Variants in CNTNAP5 observed in about 807,000 individuals in gnomAD.
CNTNAP5 encodes contactin associated protein family member 5.
A neutral mutation model predicts 150.2 loss-of-function variants in CNTNAP5; 72 were observed. The observed-to-expected ratio is 0.48, with a 90% CI of 0.40 to 0.58. The LOEUF (loss-of-function observed/expected upper bound fraction) is 0.58, where lower values mean the gene tolerates loss of function less well. CNTNAP5 is among the 20% of genes least tolerant of loss of function. The pLI, the probability that CNTNAP5 is intolerant of heterozygous loss-of-function variation, is 0.00. For missense variants in CNTNAP5, 1,636 were observed against 1,626.2 expected (o/e 1.01, Z -0.10); for synonymous variants, 672 against 619.8 (o/e 1.08, Z -1.25).
chr2:124,657,584 T>C (rs75913280), intron 13 of CNTNAP5, among the ~76,000 whole-genome samples: 3,135 of 152,126 alleles, frequency 0.021, 100 homozygotes, highest in African/African-American at 0.072. Context: ...GCAGCCAGAG[T>C]GATAATCTTT....
intron 1 of CNTNAP5, among the ~76,000 whole-genome samples, chr2:124,061,514 G>T (rs1410331919): frequency 6.6e-6 from 1 of 152,092 alleles, no homozygotes; most frequent in Non-Finnish European, 1.5e-5. Context: ...CATGTCACTG[G>T]CCACTTTCCT....
chr2:124,720,233 T>C (rs1458443350), intron 13 of CNTNAP5, among the ~76,000 whole-genome samples: 1 of 152,222 alleles, frequency 6.6e-6, no homozygotes, highest in African/African-American at 2.4e-5. Context: ...AAGGGTTTTG[T>C]ATAGCCTGTA....
intron 2 of CNTNAP5, among the ~76,000 whole-genome samples, chr2:124,232,448 G>T (rs1455083052): frequency 6.6e-6 from 1 of 152,070 alleles, no homozygotes; most frequent in Non-Finnish European, 1.5e-5. Flanking sequence ...TTGTGGACAT[G>T]TCCTTAAAAA....
chr2:124,776,286 T>C (rs1037936474), intron 17 of CNTNAP5, among the ~76,000 whole-genome samples: 4 of 151,262 alleles, frequency 2.6e-5, no homozygotes, highest in African/African-American at 9.7e-5. Flanking sequence ...ATGGGCCTAT[T>C]TTTTTTTTCT....
intron 3 of CNTNAP5, among the ~76,000 whole-genome samples, chr2:124,258,177 G>T (rs74518522): frequency 1.2e-4 from 18 of 152,100 alleles, no homozygotes; most frequent in African/African-American, 4.3e-4. Context: ...GGGTATGGGC[G>T]ATGGATGAGC....
At chr2:124,077,168 C>T (rs1461424160) in intron 1 of CNTNAP5, among the ~76,000 whole-genome samples, 1 of 152,054 alleles carries the variant, frequency 6.6e-6, no homozygotes, top group East Asian at 1.9e-4. Flanking sequence ...TGATAGCATC[C>T]AGAAGTCTTT....
At chr2:124,534,793 G>A (rs956410117) in intron 10 of CNTNAP5, among the ~76,000 whole-genome samples, 13 of 152,248 alleles carry the variant, frequency 8.5e-5, no homozygotes, top group South Asian at 2.1e-4. Flanking sequence ...GGTTTTGGTC[G>A]GCTTCTTTAC....
At chr2:124,204,043 C>T (rs1919841) in intron 1 of CNTNAP5, among the ~76,000 whole-genome samples, 46,948 of 152,076 alleles carry the variant, frequency 0.31, 7,398 homozygotes, top group South Asian at 0.47. Flanking sequence ...CTGCTTCCCT[C>T]TTAAACATGG....
chr2:124,172,906 T>C (rs184823565), intron 1 of CNTNAP5, among the ~76,000 whole-genome samples: 12 of 152,184 alleles, frequency 7.9e-5, no homozygotes, highest in African/African-American at 2.9e-4. Context: ...ATTATACTTT[T>C]TAAAAATTGA....
intron 10 of CNTNAP5, among the ~76,000 whole-genome samples, chr2:124,538,093 T>C (rs776046290): frequency 6.6e-6 from 1 of 152,208 alleles, no homozygotes; most frequent in Non-Finnish European, 1.5e-5. Flanking sequence ...ATTTTTGCGA[T>C]TGAGGTACGA....
At chr2:124,576,671 G>C (rs1696288633) in intron 11 of CNTNAP5, among the ~76,000 whole-genome samples, 1 of 152,144 alleles carries the variant, frequency 6.6e-6, no homozygotes, top group Admixed American at 6.5e-5. Context: ...TGAAGATTAG[G>C]CTGCCCTGGG....
intron 20 of CNTNAP5, 30 bp from the exon 21 acceptor site, chr2:124,869,645 G>A: frequency 1.4e-6 from 2 of 1,479,528 alleles, no homozygotes; most frequent in Admixed American, 3.4e-5. Context: ...GACCTCTGCT[G>A]ATGTGCCTTT....
At chr2:124,057,217 G>T (rs554582610) in intron 1 of CNTNAP5, among the ~76,000 whole-genome samples, 1 of 151,148 alleles carries the variant, frequency 6.6e-6, no homozygotes, top group African/African-American at 2.4e-5. Context: ...TTTTCTGGTA[G>T]TTATACCTTT....
intron 19 of CNTNAP5, among the ~76,000 whole-genome samples, chr2:124,863,352 C>T (rs996989143): frequency 2.0e-5 from 3 of 152,214 alleles, no homozygotes; most frequent in Non-Finnish European, 2.9e-5. Context: ...GTACCTTGCC[C>T]GTGATCTGCA....
chr2:124,791,826 G>A (rs1681740775), intron 18 of CNTNAP5, among the ~76,000 whole-genome samples: 2 of 149,210 alleles, frequency 1.3e-5, no homozygotes, highest in South Asian at 4.2e-4. Context: ...ATTATGATCT[G>A]CAAGTTACAT....
intron 11 of CNTNAP5, among the ~76,000 whole-genome samples, chr2:124,566,335 A>G (rs1696023063): frequency 6.6e-6 from 1 of 152,198 alleles, no homozygotes; most frequent in East Asian, 1.9e-4. Flanking sequence ...TCCAAAAGTA[A>G]TTTAACAATT....
intron 13 of CNTNAP5, among the ~76,000 whole-genome samples, chr2:124,648,671 A>C (rs1678256601): frequency 6.6e-6 from 1 of 152,188 alleles, no homozygotes; most frequent in African/African-American, 2.4e-5. Context: ...AACAAAAACA[A>C]CTTCTAGAAC....
At chr2:124,480,590 G>A (rs2104839419) in intron 7 of CNTNAP5, among the ~76,000 whole-genome samples, 1 of 152,260 alleles carries the variant, frequency 6.6e-6, no homozygotes, top group South Asian at 2.1e-4. Context: ...AAAACCTCAT[G>A]AAAATTGCTC....
At chr2:124,416,383 TTCGTTGTCATTC>T (rs1477940611) in intron 3 of CNTNAP5, among the ~76,000 whole-genome samples, 1 of 151,406 alleles carries the variant, frequency 6.6e-6, no homozygotes, top group Non-Finnish European at 1.5e-5. Context: ...TGATGAGTAG[TTCGTTGTCATTC>T]TTATTGTTCA....
Sources: allele counts gnomAD v4.1 joint callset (sites outside exome capture counted in the v4.1 genomes callset), GRCh38; gene constraint gnomAD v4.1.1; transcripts MANE v1.5; gene names NCBI Gene and HGNC (gene_info 2026-07-23, HGNC 2026-07-21).